Variants in SUB1 observed in about 807,000 individuals in gnomAD.
SUB1 encodes activated RNA polymerase II transcriptional coactivator p15.
In SUB1, 1 loss-of-function variant was observed where a neutral mutation model predicts 16.9. That is an observed-to-expected ratio of 0.06 (90% CI 0.02 to 0.28). The LOEUF is 0.28. SUB1 is among the 10% of genes least tolerant of loss of function. The pLI is 1.00. For synonymous variants in SUB1, 51 were observed against 46.9 expected, an observed-to-expected ratio of 1.09 and a Z score of -0.36; for missense variants, 84 against 145.2, an observed-to-expected ratio of 0.58 and a Z score of 2.16.
At chr5:32,600,606 A>G (rs1288100471) in intron 4 of SUB1, among the ~76,000 whole-genome samples, 8 of 143,902 alleles carry the variant, frequency 5.6e-5, no homozygotes, top group Non-Finnish European at 9.2e-5. Flanking sequence ...CCAAGTGGCA[A>G]TTTTTTTTTT....
intron 1 of SUB1, chr5:32,585,892 A>G (rs1738645320): frequency 1.3e-5 from 2 of 152,462 alleles, no homozygotes; most frequent in Admixed American, 6.5e-5. Flanking sequence ...GGGGCGGTAG[A>G]TTGAGGGCGG....
Position 32,591,551 on chromosome 5 carries a change from A to G in SUB1, c.73-12A>G, listed in dbSNP as rs749661492. On this transcript the variant is annotated splice_polypyrimidine_tract_variant and intron_variant, in intron 2 of 4. Transcript: ENST00000265073. ...TTTTATGTGTGCAAATTTTAACCATATTCTTTTCTAGTTAAAGAGGAAAAA... is the reference window on the plus strand; with the variant it reads ...TTTTATGTGTGCAAATTTTAACCATGTTCTTTTCTAGTTAAAGAGGAAAAA... 32 of 1,585,784 alleles carry G rather than the reference A, an allele frequency of 2.0e-5. No homozygotes were observed. Among genetic ancestry groups the G allele is most frequent in the Non-Finnish European group, 2.6e-5 (31 of 1,171,344 alleles).
Position 32,603,135 on chromosome 5 carries a change from G to A in SUB1, c.*2051G>A, listed in dbSNP as rs1739156638. ...TTAATGAAGCCTCCATATAAGGAGT[G>A]TTTCTCTGGCACAGTTGGTAAGTTG... On this transcript the variant is annotated 3_prime_UTR_variant, in exon 5 of 5. Transcript: ENST00000265073. 1 of 152,126 alleles carries A rather than the reference G, an allele frequency of 6.6e-6. No homozygotes were observed. Among genetic ancestry groups the A allele is most frequent in the African/African-American group, 2.4e-5 (1 of 41,432 alleles). 9.4% of individuals were successfully genotyped at this position (152,126 alleles called of 1,614,324 possible).
intron 2 of SUB1, among the ~76,000 whole-genome samples, chr5:32,589,966 TGGAA>T (rs1738776726): frequency 6.6e-6 from 1 of 151,982 alleles, no homozygotes; most frequent in Non-Finnish European, 1.5e-5. Flanking sequence ...TAACAACACA[TGGAA>T]GGGTAAAATA....
intron 3 of SUB1, chr5:32,598,717 C>G: frequency 3.0e-6 from 1 of 338,588 alleles, no homozygotes; most frequent in Non-Finnish European, 5.3e-6. Flanking sequence ...CTAGGCTATG[C>G]AGTTGTTCTG....
intron 3 of SUB1, among the ~76,000 whole-genome samples, chr5:32,593,151 T>C (rs1033365596): frequency 1.3e-5 from 2 of 152,126 alleles, no homozygotes; most frequent in Admixed American, 6.5e-5. Context: ...TAACTGGGAC[T>C]ACAGGCAATG....
chr5:32,586,735 A>G (rs1254006277), intron 1 of SUB1, among the ~76,000 whole-genome samples: 1 of 152,244 alleles, frequency 6.6e-6, no homozygotes, highest in African/African-American at 2.4e-5. Flanking sequence ...AGCATAAAAA[A>G]CTTAACTAAA....
chr5:32,586,441 C>T (rs1738671022), intron 1 of SUB1: 1 of 152,308 alleles, frequency 6.6e-6, no homozygotes, highest in African/African-American at 2.4e-5. Flanking sequence ...GTTTCAGTAT[C>T]AGTTACTTGA....
At chr5:32,598,765 C>G in intron 3 of SUB1, 196 bp from the exon 4 acceptor site, 1 of 391,820 alleles carries the variant, frequency 2.6e-6, no homozygotes, top group East Asian at 4.0e-5. Context: ...AAAAATTTTT[C>G]CAGTATATTT....
chr5:32,595,215 G>T (rs777987529), intron 3 of SUB1: 1 of 151,612 alleles, frequency 6.6e-6, no homozygotes, highest in Non-Finnish European at 1.5e-5. Context: ...TGTTTTTGAG[G>T]TATAGTTTAT....
chr5:32,594,389 A>T (rs997660646), intron 3 of SUB1, among the ~76,000 whole-genome samples: 1 of 152,346 alleles, frequency 6.6e-6, no homozygotes, highest in East Asian at 1.9e-4. Flanking sequence ...ACTTTAATCC[A>T]TATTTTTCTT....
chr5:32,596,819 G>A (rs1330128624), intron 3 of SUB1: 1 of 152,052 alleles, frequency 6.6e-6, no homozygotes, highest in Non-Finnish European at 1.5e-5. Flanking sequence ...AGTGAGTCTT[G>A]GAAAGTGCTA....
chr5:32,587,842 C>T (rs1738712085), intron 1 of SUB1, among the ~76,000 whole-genome samples: 1 of 152,162 alleles, frequency 6.6e-6, no homozygotes, highest in Non-Finnish European at 1.5e-5. Flanking sequence ...CTCCTGACCT[C>T]AGGTGATCCG....
chr5:32,592,988 A>G (rs1444103824), intron 3 of SUB1, among the ~76,000 whole-genome samples: 1 of 152,182 alleles, frequency 6.6e-6, no homozygotes, highest in African/African-American at 2.4e-5. Flanking sequence ...GTATTAGTTG[A>G]AACCAAAAAG....
At position 32,600,330 on chromosome 5, in the gene SUB1, T is replaced by G. The variant is rs553235969; in HGVS notation, c.305-675T>G. Among the ~76,000 whole-genome samples the G allele has an allele frequency of 4.6e-5, 7 of 152,346 alleles. No homozygotes were observed. The East Asian group carries it at 1.4e-3, about 29-fold the overall frequency. The stretch of plus-strand genomic sequence containing the variant: ...ATTGGCTTGAATTCCTGTGGAAATT[T>G]TGGGCAAATATTGGAACCAGCTGGA... On this transcript the variant is annotated intron_variant, in intron 4 of 4. Coordinates refer to ENST00000265073, the MANE Select transcript of SUB1 (RefSeq NM_006713.4).
chr5:32,600,569 A>G (rs950694439), intron 4 of SUB1, among the ~76,000 whole-genome samples: 1 of 151,922 alleles, frequency 6.6e-6, no homozygotes, highest in African/African-American at 2.4e-5. Flanking sequence ...TGTAAGAGAT[A>G]TGATTTTCAG....
chr5:32,588,662 G>T lies in SUB1; in HGVS notation c.72+78G>T. 9 of 1,402,174 alleles carry T rather than the reference G, an allele frequency of 6.4e-6. No homozygotes were observed. The South Asian group carries it at 1.2e-4, about 19-fold the overall frequency. The allele number at this position is 1,402,174 out of a possible 1,614,324, so 86.9% of individuals were successfully genotyped here. A position where few individuals can be genotyped will look rare whatever the true frequency, so the allele number is the denominator to read the frequency against. ...ATCCCATTCTGAAGGATAGTAAAAG[G>T]TGTATTAACATCTTAAAATGAGGAT... On this transcript the variant is annotated intron_variant, in intron 2 of 4. Transcript: ENST00000265073.
At chr5:32,598,510 G>A (rs890009189) in intron 3 of SUB1, 2 of 153,046 alleles carry the variant, frequency 1.3e-5, no homozygotes, top group African/African-American at 4.8e-5. Context: ...AAGTGGCTAT[G>A]AAGTTAACAC....
intron 1 of SUB1, 68 bp from the exon 2 acceptor site, chr5:32,588,444 G>T (rs1024570887): frequency 9.4e-6 from 13 of 1,380,038 alleles, no homozygotes; most frequent in Non-Finnish European, 1.1e-5. Flanking sequence ...TTCTTTGATT[G>T]GGGGAGAGCT....
Sources: allele counts gnomAD v4.1 joint callset (sites outside exome capture counted in the v4.1 genomes callset), GRCh38; gene constraint gnomAD v4.1.1; transcripts MANE v1.5; gene names NCBI Gene and HGNC (gene_info 2026-07-23, HGNC 2026-07-21).